Variants in FHIP1A observed in about 807,000 individuals in gnomAD.
FHIP1A encodes FHF complex subunit HOOK-interacting protein 1A.
Under a neutral mutation model 88.6 loss-of-function variants are expected in FHIP1A, and 61 were observed. The observed-to-expected ratio is 0.69, with a 90% confidence interval of 0.56 to 0.85. FHIP1A has a LOEUF of 0.85. FHIP1A is among the 40% of genes least tolerant of loss of function. The pLI is 0.00. For synonymous variants in FHIP1A, 478 were observed against 496.0 expected, an observed-to-expected ratio of 0.96 and a Z score of 0.48; for missense variants, 1,154 against 1,273.5, an observed-to-expected ratio of 0.91 and a Z score of 1.43.
At chr4:151,554,744 A>T (rs143058966) in intron 3 of FHIP1A, among the ~76,000 whole-genome samples, 1 of 152,296 alleles carries the variant, frequency 6.6e-6, no homozygotes, top group African/African-American at 2.4e-5. Flanking sequence ...ACGCAGGTGG[A>T]ATTAAATCTG....
chr4:151,606,656 C>T (rs2126838463), intron 7 of FHIP1A, among the ~76,000 whole-genome samples: 1 of 152,274 alleles, frequency 6.6e-6, no homozygotes, highest in Non-Finnish European at 1.5e-5. Context: ...ACATTGTCAA[C>T]CTTATTGACC....
At chr4:151,544,475 T>C (rs1732410751) in intron 3 of FHIP1A, among the ~76,000 whole-genome samples, 1 of 151,156 alleles carries the variant, frequency 6.6e-6, no homozygotes, top group Non-Finnish European at 1.5e-5. Context: ...AGTCCAACTT[T>C]GTCATTATTT....
At chr4:151,504,313 T>C (rs1392135057) in intron 3 of FHIP1A, among the ~76,000 whole-genome samples, 1 of 152,214 alleles carries the variant, frequency 6.6e-6, no homozygotes, top group African/African-American at 2.4e-5. Flanking sequence ...GATTTAGTAA[T>C]ACCAGCTTTG....
At position 151,666,461 on chromosome 4, in the gene FHIP1A, G is replaced by C. The variant is rs1737669716; in HGVS notation, c.*3707G>C. Among the ~76,000 whole-genome samples the C allele has an allele frequency of 6.6e-6, 1 of 152,174 alleles. No homozygotes were observed. Among genetic ancestry groups the C allele is most frequent in the Non-Finnish European group, 1.5e-5 (1 of 68,044 alleles). On this transcript the variant is annotated 3_prime_UTR_variant, in exon 14 of 14. Coordinates refer to ENST00000435205, the MANE Select transcript of FHIP1A (RefSeq NM_001109977.3). The stretch of plus-strand genomic sequence containing the variant: ...CATCAGGAGTACCCTTTCCTTAGCA[G>C]GTGGATTTTATTTAGGTCAGATATA...
chr4:151,650,629 G>T (rs776824208), intron 11 of FHIP1A, 37 bp downstream of exon 11: 12 of 1,515,850 alleles, frequency 7.9e-6, no homozygotes, highest in South Asian at 1.3e-5. Flanking sequence ...TTCTGCTTTC[G>T]AAAGTACTTG....
At chr4:151,586,515 C>T in intron 5 of FHIP1A, 126 bp from the exon 6 acceptor site, 1 of 714,862 alleles carries the variant, frequency 1.4e-6, no homozygotes, top group Non-Finnish European at 2.2e-6. Context: ...GGCTCTTATA[C>T]CTTTAATACC....
intron 5 of FHIP1A, among the ~76,000 whole-genome samples, chr4:151,586,092 G>A (rs1043355882): frequency 3.3e-5 from 5 of 152,110 alleles, no homozygotes; most frequent in Non-Finnish European, 7.3e-5. Context: ...CTGCAAACAT[G>A]CAGCTGTCAG....
intron 7 of FHIP1A, among the ~76,000 whole-genome samples, chr4:151,589,667 A>C (rs1734350638): frequency 6.6e-6 from 1 of 152,192 alleles, no homozygotes; most frequent in Non-Finnish European, 1.5e-5. Context: ...GTTTTGATGG[A>C]ATGCCCACCA....
chr4:151,651,609 T>C (rs1287422952), intron 11 of FHIP1A, among the ~76,000 whole-genome samples: 1 of 152,210 alleles, frequency 6.6e-6, no homozygotes, highest in Non-Finnish European at 1.5e-5. Flanking sequence ...GAGGTCATTA[T>C]TCATTTTATG....
At chr4:151,623,106 A>T (rs1248873939) in intron 7 of FHIP1A, among the ~76,000 whole-genome samples, 1 of 152,234 alleles carries the variant, frequency 6.6e-6, no homozygotes, top group Non-Finnish European at 1.5e-5. Context: ...GGCCAACGCT[A>T]GTTGCAGCAT....
chr4:151,549,684 T>G (rs961214602), intron 3 of FHIP1A, among the ~76,000 whole-genome samples: 2 of 152,216 alleles, frequency 1.3e-5, no homozygotes, highest in Non-Finnish European at 2.9e-5. Flanking sequence ...GGAGTAGCCA[T>G]TCTTTATTCC....
rs981151594 is a variant in FHIP1A, at chr4:151,664,232, G to A, written c.*1478G>A. The stretch of plus-strand genomic sequence containing the variant: ...GAGGGCAGCCACAGGTCTGGTGGTT[G>A]TGCCTCAGGAGCACTGGTTTGGTCT... On this transcript the variant is annotated 3_prime_UTR_variant, in exon 14 of 14. Transcript: ENST00000435205. Among the ~76,000 whole-genome samples, 1 of 152,228 alleles carries A rather than the reference G, an allele frequency of 6.6e-6. No individual in the cohort carries two copies. The highest frequency in any genetic ancestry group is 2.4e-5 in the African/African-American group (1 of 41,460).
rs1008217572 is a variant in FHIP1A, at chr4:151,649,900, TGAA to T, written c.1866_1868del (p.Lys622del). ...GATCCCCCCAAACACATCCAGGAGATGAAGAAGAATGCCCTCCTGCTCTTCAAA... is the reference window on the plus strand; with the variant it reads ...GATCCCCCCAAACACATCCAGGAGATGAAGAATGCCCTCCTGCTCTTCAAA... On this transcript the variant is annotated inframe_deletion, in exon 11 of 14. Transcript: ENST00000435205. The T allele has an allele frequency of 9.0e-6, 14 of 1,550,874 alleles. No individual in the cohort carries two copies. Among genetic ancestry groups the T allele is most frequent in the Admixed American group, 3.9e-5 (2 of 50,920 alleles).
At chr4:151,566,470 A>AAG in intron 4 of FHIP1A, 106 bp downstream of exon 4, 1 of 655,936 alleles carries the variant, frequency 1.5e-6, no homozygotes, top group Non-Finnish European at 2.7e-6. Context: ...AGATTGCTAG[A>AAG]AACACAGGGA....
chr4:151,580,573 A>T (rs1025057247), intron 5 of FHIP1A, among the ~76,000 whole-genome samples: 1 of 152,206 alleles, frequency 6.6e-6, no homozygotes, highest in African/African-American at 2.4e-5. Context: ...GTTTGGTAAA[A>T]CTGAATATTT....
intron 3 of FHIP1A, among the ~76,000 whole-genome samples, chr4:151,535,665 T>C (rs1167283654): frequency 1.3e-5 from 2 of 152,244 alleles, no homozygotes; most frequent in Admixed American, 1.3e-4. Flanking sequence ...CTGTACAGTT[T>C]AATGAAACAT....
chr4:151,595,483 A>G (rs757971055), intron 7 of FHIP1A, among the ~76,000 whole-genome samples: 2 of 152,166 alleles, frequency 1.3e-5, no homozygotes, highest in African/African-American at 2.4e-5. Flanking sequence ...GGTGCTGAGA[A>G]GAATGTATAT....
At chr4:151,465,151 C>T (rs2091910073) in intron 2 of FHIP1A, among the ~76,000 whole-genome samples, 1 of 152,138 alleles carries the variant, frequency 6.6e-6, no homozygotes, top group African/African-American at 2.4e-5. Flanking sequence ...GCTGTGATCG[C>T]ACCATTGCAC....
chr4:151,631,182 G>T (rs1241149131), intron 8 of FHIP1A, among the ~76,000 whole-genome samples: 1 of 152,024 alleles, frequency 6.6e-6, no homozygotes, highest in Non-Finnish European at 1.5e-5. Context: ...TTAAAAAAAT[G>T]GAGAAAATAG....
Sources: allele counts gnomAD v4.1 joint callset (sites outside exome capture counted in the v4.1 genomes callset), GRCh38; gene constraint gnomAD v4.1.1; transcripts MANE v1.5; gene names NCBI Gene and HGNC (gene_info 2026-07-23, HGNC 2026-07-21).